The following ZBTB20 variants were observed in gnomAD, a reference collection of about 807,000 sequenced individuals.
ZBTB20 encodes the protein zinc finger and BTB domain containing 20, also known as zinc finger and BTB domain-containing protein 20.
In ZBTB20, 9 loss-of-function variants were observed where a neutral mutation model predicts 56.9. That is an observed-to-expected ratio of 0.16 (90% CI 0.10 to 0.28). The LOEUF (loss-of-function observed/expected upper bound fraction) is 0.28. ZBTB20 is among the 10% of genes least tolerant of loss of function. The pLI, the probability that ZBTB20 is intolerant of heterozygous loss-of-function variation, is 1.00. For missense variants in ZBTB20, 655 were observed against 1,003.0 expected, an observed-to-expected ratio of 0.65 and a Z score of 4.69; for synonymous variants, 417 against 420.7, an observed-to-expected ratio of 0.99 and a Z score of 0.11.
chr3:114,856,021 T>C (rs536124861), intron 4 of ZBTB20, among the ~76,000 whole-genome samples: 2 of 152,262 alleles, frequency 1.3e-5, no homozygotes, highest in African/African-American at 4.8e-5. Flanking sequence ...TGAGGTGGGA[T>C]TTACAAGTCT....
At chr3:114,883,622 T>C (rs1036366711) in intron 4 of ZBTB20, among the ~76,000 whole-genome samples, 11 of 152,304 alleles carry the variant, frequency 7.2e-5, no homozygotes, top group Admixed American at 4.6e-4. Flanking sequence ...GTAATATCCA[T>C]CTTGTTTTTA....
At chr3:114,805,514 G>T (rs1204526801) in intron 4 of ZBTB20, among the ~76,000 whole-genome samples, 1 of 136,492 alleles carries the variant, frequency 7.3e-6, no homozygotes, top group East Asian at 2.3e-4. Context: ...AACATCAAAG[G>T]TATATGATAT....
intron 7 of ZBTB20, among the ~76,000 whole-genome samples, chr3:114,464,789 A>G (rs1223244125): frequency 6.6e-6 from 1 of 152,122 alleles, no homozygotes; most frequent in Non-Finnish European, 1.5e-5. Flanking sequence ...CACTGTTAAG[A>G]GGCTCATTTT....
At chr3:114,702,213 C>T (rs934775328) in intron 5 of ZBTB20, among the ~76,000 whole-genome samples, 14 of 152,004 alleles carry the variant, frequency 9.2e-5, no homozygotes, top group Non-Finnish European at 1.8e-4. Context: ...CATGGTGGCA[C>T]GTGCCTATAG....
At chr3:114,596,366 T>A (rs567593143) in intron 6 of ZBTB20, among the ~76,000 whole-genome samples, 1 of 152,206 alleles carries the variant, frequency 6.6e-6, no homozygotes, top group Non-Finnish European at 1.5e-5. Context: ...TCAATTTTTA[T>A]AATACTGCTT....
chr3:114,579,151 A>G (rs1275440312), intron 6 of ZBTB20, among the ~76,000 whole-genome samples: 1 of 151,846 alleles, frequency 6.6e-6, no homozygotes, highest in Non-Finnish European at 1.5e-5. Flanking sequence ...CAGATAAACC[A>G]CCTACAGATT....
At chr3:114,917,603 C>T (rs1480945697) in intron 3 of ZBTB20, among the ~76,000 whole-genome samples, 1 of 152,190 alleles carries the variant, frequency 6.6e-6, no homozygotes, top group African/African-American at 2.4e-5. Flanking sequence ...GGGTCAGTTA[C>T]ACTGAGGCTC....
rs558723106 is a variant in ZBTB20 at position 114,819,822 on chromosome 3, A to G, written c.-416-18648T>C. 4.0e-4 allele frequency among the ~76,000 whole-genome samples: 61 copies of G among 152,060 alleles called. 1 individual carries two copies. The highest frequency in any genetic ancestry group is 6.5e-4 in the Non-Finnish European group (44 of 67,832). On this transcript the variant is annotated intron_variant, in intron 4 of 11. Transcript: ENST00000675478. ...ATACAAATATTTAACATTTTCTCAC[A>G]TAAAATCTTACAAATCAGTAAAACT...
At chr3:114,403,511 A>G (rs1389688742) in intron 7 of ZBTB20, among the ~76,000 whole-genome samples, 4 of 152,074 alleles carry the variant, frequency 2.6e-5, no homozygotes, top group African/African-American at 9.7e-5. Flanking sequence ...TCCAACAAAT[A>G]TCTGGAACTC....
intron 5 of ZBTB20, among the ~76,000 whole-genome samples, chr3:114,704,003 G>C (rs969591340): frequency 2.6e-5 from 4 of 152,074 alleles, no homozygotes; most frequent in Admixed American, 2.6e-4. Context: ...GTATTTTTAG[G>C]AGTGGTGACA....
At chr3:114,516,834 G>A (rs1304894574) in intron 6 of ZBTB20, among the ~76,000 whole-genome samples, 2 of 152,130 alleles carry the variant, frequency 1.3e-5, no homozygotes, top group Admixed American at 6.5e-5. Context: ...TGGGAGTCAC[G>A]GAACTCACAG....
chr3:115,032,752 CA>C, intron 2 of ZBTB20, among the ~76,000 whole-genome samples: 1 of 150,966 alleles, frequency 6.6e-6, no homozygotes, highest in East Asian at 1.9e-4. Context: ...AACAGTTAGG[CA>C]ACATACTCTT....
At chr3:114,971,105 T>C (rs1417436844) in intron 3 of ZBTB20, among the ~76,000 whole-genome samples, 1 of 152,248 alleles carries the variant, frequency 6.6e-6, no homozygotes, top group Non-Finnish European at 1.5e-5. Flanking sequence ...AAACTGGGAA[T>C]TTATATATTT....
At chr3:114,465,127 A>T (rs1215379188) in intron 7 of ZBTB20, among the ~76,000 whole-genome samples, 1 of 151,298 alleles carries the variant, frequency 6.6e-6, no homozygotes, top group Non-Finnish European at 1.5e-5. Context: ...TTATTTCCAT[A>T]GGTAAGAGAT....
intron 1 of ZBTB20, among the ~76,000 whole-genome samples, chr3:115,085,105 A>T (rs2108554009): frequency 6.6e-6 from 1 of 152,104 alleles, no homozygotes; most frequent in Non-Finnish European, 1.5e-5. Context: ...GAAATCTGAG[A>T]TGTCTAAAAA....
intron 5 of ZBTB20, among the ~76,000 whole-genome samples, chr3:114,794,416 G>A (rs1031971535): frequency 1.3e-5 from 2 of 152,024 alleles, no homozygotes; most frequent in African/African-American, 4.8e-5. Flanking sequence ...TGGTAATTTA[G>A]CTCCTGAGTA....
At chr3:115,114,388 T>C (rs1185563259) in intron 1 of ZBTB20, among the ~76,000 whole-genome samples, 1 of 152,102 alleles carries the variant, frequency 6.6e-6, no homozygotes, top group Non-Finnish European at 1.5e-5. Flanking sequence ...TCAATGGCTG[T>C]GCTTACTACA....
rs573159586 is a variant in ZBTB20, at chr3:114,403,011, T to C, written c.-254-13906A>G. On this transcript the variant is annotated intron_variant, in intron 7 of 11. Transcript: ENST00000675478. ...TTTAAAATGTAAAAGTGGATGATTA[T>C]ATTATTTTGCATTGTAACAATGAGA... Among the ~76,000 whole-genome samples, 86 of 152,314 alleles carry C rather than the reference T, an allele frequency of 5.6e-4. 1 individual carries two copies. The highest frequency in any genetic ancestry group is 1.9e-3 in the African/African-American group (80 of 41,586).
chr3:114,376,029 T>C (rs965573991), intron 10 of ZBTB20, among the ~76,000 whole-genome samples: 1 of 152,250 alleles, frequency 6.6e-6, no homozygotes, highest in Admixed American at 6.5e-5. Context: ...ATTTATTACA[T>C]GCCAAAAATT....
Sources: allele counts gnomAD v4.1 joint callset (sites outside exome capture counted in the v4.1 genomes callset), GRCh38; gene constraint gnomAD v4.1.1; transcripts MANE v1.5; gene names NCBI Gene and HGNC (gene_info 2026-07-23, HGNC 2026-07-21).